TMEFF2: variants seen among roughly 807,000 people sequenced by gnomAD.
TMEFF2 encodes tomoregulin-2.
A neutral mutation model predicts 53.8 loss-of-function variants in TMEFF2; 28 were observed. That is an observed-to-expected ratio of 0.52 (90% CI 0.39 to 0.71). TMEFF2 has a LOEUF of 0.71. Ranked by LOEUF, TMEFF2 falls within the 30% of genes least tolerant of loss-of-function variation. The pLI, the probability that TMEFF2 is intolerant of heterozygous loss-of-function variation, is 0.00. For missense variants in TMEFF2, 353 were observed against 455.2 expected (o/e 0.78, Z 2.04); for synonymous variants, 162 against 166.3 (o/e 0.97, Z 0.20).
At chr2:192,055,792 A>AG (rs1194220789) in intron 5 of TMEFF2, among the ~76,000 whole-genome samples, 3 of 150,774 alleles carry the variant, frequency 2.0e-5, no homozygotes, top group Non-Finnish European at 3.0e-5. Context: ...AAAAAAAAAA[A>AG]AAAAAAAGAA....
chr2:192,127,395 G>T (rs2356770), intron 4 of TMEFF2, among the ~76,000 whole-genome samples: 151,372 of 152,352 alleles, frequency 0.99, 75,208 homozygotes, highest in Middle Eastern at 1. Context: ...TAGAATATTT[G>T]CCCTTCTGTC....
chr2:191,953,580 G>T, intron 9 of TMEFF2, 99 bp downstream of exon 9: 1 of 1,354,634 alleles, frequency 7.4e-7, no homozygotes. Context: ...ATGGATGGCT[G>T]CAGAGTCCAT....
chr2:192,041,560 C>A (rs966687402), intron 5 of TMEFF2, among the ~76,000 whole-genome samples: 1 of 152,160 alleles, frequency 6.6e-6, no homozygotes, highest in Non-Finnish European at 1.5e-5. Flanking sequence ...CTGGCCCTTC[C>A]TCAAAAAGTT....
chr2:191,973,753 A>G (rs1692722012), intron 7 of TMEFF2, among the ~76,000 whole-genome samples: 1 of 152,162 alleles, frequency 6.6e-6, no homozygotes, highest in Non-Finnish European at 1.5e-5. Context: ...CACAGGAGGG[A>G]TCCGGTGGGA....
chr2:192,027,844 T>A (rs1687010045), intron 5 of TMEFF2: 1 of 152,242 alleles, frequency 6.6e-6, no homozygotes, highest in South Asian at 2.1e-4. Flanking sequence ...TGTGTCTGCC[T>A]CCTCCCCTTG....
In TMEFF2 at chr2:192,156,568, C is replaced by T. The variant is rs75192777; in HGVS notation, c.439+23100G>A. Reference sequence around the variant, plus strand: ...TATTTCTATTGATTTAAAAATTAAGCACATTGGTACCTTGTCTTTAAAGAA... The same window carrying T: ...TATTTCTATTGATTTAAAAATTAAGTACATTGGTACCTTGTCTTTAAAGAA... On this transcript the variant is annotated intron_variant, in intron 4 of 9. Transcript: ENST00000272771. Among the ~76,000 whole-genome samples, 862 of 152,070 alleles carry T rather than the reference C, an allele frequency of 5.7e-3. 20 individuals carry two copies. The East Asian group carries it at 0.084, about 15-fold the overall frequency.
At chr2:191,968,516 C>T (rs1272158740) in intron 7 of TMEFF2, among the ~76,000 whole-genome samples, 2 of 152,146 alleles carry the variant, frequency 1.3e-5, no homozygotes, top group East Asian at 1.9e-4. Context: ...AATTGCAGGC[C>T]TTACGGACAT....
chr2:192,158,583 T>C (rs1690561225), intron 4 of TMEFF2, among the ~76,000 whole-genome samples: 1 of 152,166 alleles, frequency 6.6e-6, no homozygotes, highest in Non-Finnish European at 1.5e-5. Context: ...CACTGACTAC[T>C]GAAAATTAGC....
chr2:192,079,258 T>C (rs1688500073), intron 4 of TMEFF2, among the ~76,000 whole-genome samples: 1 of 152,214 alleles, frequency 6.6e-6, no homozygotes, highest in Admixed American at 6.5e-5. Context: ...GACCTAATCT[T>C]CACCAGATTT....
chr2:191,952,735 A>G (rs1559057431), intron 9 of TMEFF2, among the ~76,000 whole-genome samples: 1 of 152,194 alleles, frequency 6.6e-6, no homozygotes, highest in Non-Finnish European at 1.5e-5. Flanking sequence ...CCATACTGAA[A>G]TGCATTATGA....
At chr2:191,963,462 C>G (rs989176782) in intron 7 of TMEFF2, among the ~76,000 whole-genome samples, 4 of 151,808 alleles carry the variant, frequency 2.6e-5, no homozygotes, top group African/African-American at 4.9e-5. Context: ...GTGAGCCAAG[C>G]AGTTTTCTTC....
At chr2:192,069,895 C>T (rs549877537) in intron 4 of TMEFF2, among the ~76,000 whole-genome samples, 180 of 150,674 alleles carry the variant, frequency 1.2e-3, no homozygotes, top group Admixed American at 1.7e-3. Context: ...TATTTTTAAA[C>T]GCCTTATAAC....
chr2:191,966,426 A>G (rs1692473293), intron 7 of TMEFF2, among the ~76,000 whole-genome samples: 1 of 152,198 alleles, frequency 6.6e-6, no homozygotes, highest in South Asian at 2.1e-4. Context: ...TACCCCTTTC[A>G]TTTAAAGATT....
At chr2:192,107,925 T>TAG (rs1402336326) in intron 4 of TMEFF2, among the ~76,000 whole-genome samples, 4 of 151,080 alleles carry the variant, frequency 2.6e-5, no homozygotes, top group Admixed American at 6.6e-5. Context: ...ATTCTAATTC[T>TAG]ATACAAAGAT....
chr2:192,101,701 T>G (rs1470949136), intron 4 of TMEFF2, among the ~76,000 whole-genome samples: 1 of 152,180 alleles, frequency 6.6e-6, no homozygotes, highest in African/African-American at 2.4e-5. Context: ...CTAGACTGAC[T>G]ATGCTATGTC....
At chr2:192,132,232 C>G (rs948789220) in intron 4 of TMEFF2, among the ~76,000 whole-genome samples, 16 of 152,242 alleles carry the variant, frequency 1.1e-4, no homozygotes, top group Admixed American at 4.6e-4. Context: ...AGCCCTCCCC[C>G]ACCTGCCCAG....
intron 5 of TMEFF2, among the ~76,000 whole-genome samples, chr2:192,043,076 C>G (rs542855463): frequency 9.2e-5 from 14 of 152,160 alleles, no homozygotes; most frequent in African/African-American, 3.4e-4. Context: ...ACTCGACTGC[C>G]AAAAGCAAGG....
intron 5 of TMEFF2, among the ~76,000 whole-genome samples, chr2:192,031,158 C>T (rs1316988276): frequency 6.6e-6 from 1 of 152,176 alleles, no homozygotes; most frequent in African/African-American, 2.4e-5. Flanking sequence ...TGACCTACTT[C>T]CTTAACACTC....
chr2:191,999,445 T>A (rs1368445671), intron 5 of TMEFF2, among the ~76,000 whole-genome samples: 1 of 151,870 alleles, frequency 6.6e-6, no homozygotes, highest in African/African-American at 2.4e-5. Flanking sequence ...AACTCAAAAA[T>A]GATCATCAGT....
Sources: allele counts gnomAD v4.1 joint callset (sites outside exome capture counted in the v4.1 genomes callset), GRCh38; gene constraint gnomAD v4.1.1; transcripts MANE v1.5; gene names NCBI Gene and HGNC (gene_info 2026-07-23, HGNC 2026-07-21).